DLGAP2: variants seen among roughly 807,000 people sequenced by gnomAD.
DLGAP2 encodes disks large-associated protein 2.
Under a neutral mutation model 100.3 loss-of-function variants are expected in DLGAP2, and 26 were observed. The observed-to-expected ratio is 0.26, with a 90% CI of 0.19 to 0.36. DLGAP2 has a LOEUF of 0.36. Among genes scored for constraint, DLGAP2 ranks in the 10% least tolerant of loss-of-function variants. DLGAP2 has a pLI of 1.00. For missense variants in DLGAP2, 1,858 were observed against 1,453.2 expected (o/e 1.28, Z -4.53); for synonymous variants, 886 against 630.1 (o/e 1.41, Z -6.08).
chr8:965,726 C>T (rs1385599231), intron 2 of DLGAP2, among the ~76,000 whole-genome samples: 29 of 139,460 alleles, frequency 2.1e-4, no homozygotes, highest in African/African-American at 6.8e-4. Context: ...CGCGTGCACA[C>T]GGCACTGTTC....
intron 1 of DLGAP2, among the ~76,000 whole-genome samples, chr8:853,123 TC>T (rs1797212347): frequency 6.6e-6 from 1 of 152,122 alleles, no homozygotes; most frequent in Non-Finnish European, 1.5e-5. Flanking sequence ...TGTGTTGGGG[TC>T]CCCAAGAGTA....
chr8:920,209 G>A (rs140947922), intron 2 of DLGAP2, among the ~76,000 whole-genome samples: 2 of 152,328 alleles, frequency 1.3e-5, no homozygotes, highest in African/African-American at 4.8e-5. Flanking sequence ...ATGGTGCCCA[G>A]GGTCGTGCTG....
chr8:1,528,807 A>T (rs141857769), intron 4 of DLGAP2, among the ~76,000 whole-genome samples: 1 of 152,356 alleles, frequency 6.6e-6, no homozygotes, highest in East Asian at 1.9e-4. Flanking sequence ...TGCCATCTTA[A>T]GGAAGGACTG....
Position 1,549,699 on chromosome 8 carries a change from G to T in DLGAP2, c.1230+16G>T. ...CTACCTCCAGGTAAGCAGGCTCACG[G>T]CCCTGTGGAGGCCGTCTCGGCACAG... On this transcript the variant is annotated intron_variant, in intron 5 of 14. Transcript: ENST00000637795. 2 of 1,525,784 alleles carry T rather than the reference G, an allele frequency of 1.3e-6. No homozygotes were observed. The highest frequency in any genetic ancestry group is 1.8e-6 in the Non-Finnish European group (2 of 1,134,468). 94.5% of individuals were successfully genotyped at this position (1,525,784 alleles called of 1,614,324 possible). A position where few individuals can be genotyped will look rare whatever the true frequency, so the allele number is the denominator to read the frequency against.
chr8:1,351,295 G>A (rs1475001216), intron 3 of DLGAP2, among the ~76,000 whole-genome samples: 1 of 93,674 alleles, frequency 1.1e-5, no homozygotes, highest in South Asian at 4.4e-4. Context: ...TGGAAAGGCC[G>A]TGCGGGTCCT....
chr8:1,533,242 T>C (rs1027442429), intron 4 of DLGAP2, among the ~76,000 whole-genome samples: 1 of 152,092 alleles, frequency 6.6e-6, no homozygotes, highest in African/African-American at 2.4e-5. Context: ...CTCATGCCTG[T>C]AATTCCAGCA....
At chr8:1,239,573 T>C (rs1585180711) in intron 2 of DLGAP2, among the ~76,000 whole-genome samples, 1 of 115,876 alleles carries the variant, frequency 8.6e-6, no homozygotes, top group Non-Finnish European at 1.7e-5. Context: ...TTCTCTCACA[T>C]GGCGCCGTGT....
intron 6 of DLGAP2, chr8:1,622,529 C>G (rs927900594): frequency 2.0e-5 from 3 of 152,228 alleles, no homozygotes; most frequent in African/African-American, 7.2e-5. Context: ...GCAAGCAGCT[C>G]TGGAACCATT....
intron 4 of DLGAP2, among the ~76,000 whole-genome samples, chr8:1,522,497 G>A (rs1265510362): frequency 1.3e-5 from 2 of 152,170 alleles, no homozygotes; most frequent in Non-Finnish European, 2.9e-5. Context: ...ACGGGTGCTG[G>A]GTCATCACCA....
intron 5 of DLGAP2, among the ~76,000 whole-genome samples, chr8:1,555,139 A>G (rs547593927): frequency 5.0e-4 from 76 of 152,204 alleles, no homozygotes; most frequent in African/African-American, 1.8e-3. Context: ...CCAATCCCGT[A>G]GTGGAATAGC....
At chr8:1,094,405 G>A (rs1278374631) in intron 2 of DLGAP2, among the ~76,000 whole-genome samples, 3 of 152,310 alleles carry the variant, frequency 2.0e-5, no homozygotes, top group East Asian at 1.9e-4. Flanking sequence ...CAGTATTTAC[G>A]GTAAAACTGA....
At chr8:1,536,964 C>T (rs977181300) in intron 4 of DLGAP2, among the ~76,000 whole-genome samples, 2 of 152,042 alleles carry the variant, frequency 1.3e-5, no homozygotes, top group African/African-American at 2.4e-5. Context: ...TCTGTTGGCT[C>T]ATTTAATGCT....
At chr8:829,511 T>C (rs7464148) in intron 1 of DLGAP2, among the ~76,000 whole-genome samples, 37,893 of 152,184 alleles carry the variant, frequency 0.25, 5,257 homozygotes, top group African/African-American at 0.37. Flanking sequence ...GAAATAAGTT[T>C]ATTATTTAAA....
At chr8:1,344,307 A>T (rs988385570) in intron 3 of DLGAP2, among the ~76,000 whole-genome samples, 1 of 152,078 alleles carries the variant, frequency 6.6e-6, no homozygotes, top group Non-Finnish European at 1.5e-5. Flanking sequence ...GGGTCTGTGC[A>T]GACAACAGCC....
At position 1,431,488 on chromosome 8, in the gene DLGAP2, G is replaced by A. The variant is rs115282383; in HGVS notation, c.107-69878G>A. 7.3e-3 allele frequency among the ~76,000 whole-genome samples: 1,110 copies of A among 152,332 alleles called. 11 individuals carry two copies. Among genetic ancestry groups the A allele is most frequent in the African/African-American group, 0.026 (1,072 of 41,582 alleles). ...CAAAGGACAATGCATAGAAACAGCA[G>A]CAGAAAGAAGAAGAGAAAGGAGAAA... On this transcript the variant is annotated intron_variant, in intron 3 of 14. Transcript: ENST00000637795.
intron 4 of DLGAP2, among the ~76,000 whole-genome samples, chr8:1,517,380 GC>G (rs542252848): frequency 1.4e-3 from 211 of 152,210 alleles, no homozygotes; most frequent in Non-Finnish European, 2.7e-3. Context: ...TGAGGGAGGG[GC>G]CGTGGTGAGG....
At chr8:983,816 T>G (rs1800410512) in intron 2 of DLGAP2, among the ~76,000 whole-genome samples, 2 of 151,974 alleles carry the variant, frequency 1.3e-5, no homozygotes, top group Non-Finnish European at 2.9e-5. Flanking sequence ...TGGCTAATTT[T>G]TTTTGTAGAG....
intron 2 of DLGAP2, among the ~76,000 whole-genome samples, chr8:1,187,851 A>G (rs184573664): frequency 1.2e-3 from 142 of 117,744 alleles, no homozygotes; most frequent in Non-Finnish European, 1.7e-3. Flanking sequence ...GGAATCTCAC[A>G]CACCCGGGAC....
intron 1 of DLGAP2, among the ~76,000 whole-genome samples, chr8:750,516 A>C (rs961205301): frequency 6.6e-6 from 1 of 152,254 alleles, no homozygotes; most frequent in Non-Finnish European, 1.5e-5. Flanking sequence ...AAAATTAAAG[A>C]AGCCAATATT....
Sources: allele counts gnomAD v4.1 joint callset (sites outside exome capture counted in the v4.1 genomes callset), GRCh38; gene constraint gnomAD v4.1.1; transcripts MANE v1.5; gene names NCBI Gene and HGNC (gene_info 2026-07-23, HGNC 2026-07-21).